The following PCDHGA5 variants were observed in gnomAD, a reference collection of about 807,000 sequenced individuals.
PCDHGA5 encodes protocadherin gamma-A5.
A neutral mutation model predicts 56.7 loss-of-function variants in PCDHGA5; 36 were observed. The observed-to-expected ratio is 0.64, with a 90% confidence interval of 0.49 to 0.84. The LOEUF is 0.84. Among genes scored for constraint, PCDHGA5 ranks in the 40% least tolerant of loss-of-function variants. The pLI is 0.00. For synonymous variants in PCDHGA5, 563 were observed against 520.2 expected (o/e 1.08, Z -1.12); for missense variants, 1,305 against 1,201.5 (o/e 1.09, Z -1.27).
chr5:141,461,648 A>G (rs910827619), intron 1 of PCDHGA5, among the ~76,000 whole-genome samples: 2 of 152,070 alleles, frequency 1.3e-5, no homozygotes, highest in South Asian at 2.1e-4. Context: ...TCTTTGACCC[A>G]TGGATTATTT....
intron 1 of PCDHGA5, among the ~76,000 whole-genome samples, chr5:141,482,843 G>A (rs1005014887): frequency 7.1e-6 from 1 of 140,154 alleles, no homozygotes; most frequent in Non-Finnish European, 1.5e-5. Flanking sequence ...AGGCCAAGGT[G>A]GGCAGATCAC....
Position 141,431,560 on chromosome 5 carries a change from C to G in PCDHGA5, c.2422-63247C>G, listed in dbSNP as rs751276470. The G allele has an allele frequency of 6.2e-7, 1 of 1,613,986 alleles. No individual in the cohort carries two copies. The highest frequency in any genetic ancestry group is 1.7e-5 in the Admixed American group (1 of 60,016). On this transcript the variant is annotated intron_variant, in intron 1 of 3. Transcript: ENST00000518069. This position sits in a 1 kb window ranked among gnomAD's most constrained non-coding sequence, Gnocchi z 4.8. Reference sequence around the variant, plus strand: ...CGCAGCTGCTTGTAGTCAACGCTACCGACCCTGACGAAGGAGTCAATGCGG... The same window carrying G: ...CGCAGCTGCTTGTAGTCAACGCTACGGACCCTGACGAAGGAGTCAATGCGG...
At chr5:141,443,059 A>G (rs148799842) in intron 1 of PCDHGA5, among the ~76,000 whole-genome samples, 145 of 152,348 alleles carry the variant, frequency 9.5e-4, no homozygotes, top group African/African-American at 3.3e-3. Context: ...GTTCCACTGA[A>G]GAGCGTCTTA....
intron 1 of PCDHGA5, among the ~76,000 whole-genome samples, chr5:141,459,494 G>C (rs1454297107): frequency 2.0e-5 from 3 of 152,200 alleles, no homozygotes; most frequent in African/African-American, 7.2e-5. Context: ...CTGAATTAAA[G>C]TGATGTGAAC....
chr5:141,374,787 T>C, intron 1 of PCDHGA5: 1 of 1,613,904 alleles, frequency 6.2e-7, no homozygotes, highest in Non-Finnish European at 8.5e-7. Flanking sequence ...GTTCTAGATG[T>C]GAATGACAAC....
intron 1 of PCDHGA5, among the ~76,000 whole-genome samples, chr5:141,401,410 A>T (rs536817103): frequency 2.6e-5 from 4 of 152,354 alleles, no homozygotes; most frequent in African/African-American, 9.6e-5. Context: ...TGAGAGAGAA[A>T]GAGAGAGACT....
chr5:141,394,826 C>G, intron 1 of PCDHGA5: 1 of 1,613,882 alleles, frequency 6.2e-7, no homozygotes, highest in Non-Finnish European at 8.5e-7. Context: ...TCCCCGAAGT[C>G]CTGACCGAGT....
intron 1 of PCDHGA5, among the ~76,000 whole-genome samples, chr5:141,481,194 T>C (rs74538051): frequency 0.017 from 2,576 of 152,298 alleles, 78 homozygotes; most frequent in African/African-American, 0.059. Context: ...CCAGGCCCAA[T>C]TTTTTTAAAA....
At chr5:141,464,278 G>GAAAA (rs2099080310) in intron 1 of PCDHGA5, among the ~76,000 whole-genome samples, 1 of 121,594 alleles carries the variant, frequency 8.2e-6, no homozygotes. Context: ...AAAAAAAAAA[G>GAAAA]CAAAAAAAAA....
chr5:141,511,267 C>A lies in PCDHGA5; in HGVS notation c.*94C>A, dbSNP rs1223074819. The A allele has an allele frequency of 6.5e-7, 1 of 1,549,404 alleles. No individual in the cohort carries two copies. Among genetic ancestry groups the A allele is most frequent in the Non-Finnish European group, 8.7e-7 (1 of 1,146,836 alleles). Reference sequence around the variant, plus strand: ...CCAGGCCTCAGAGTTTCAGGGCTAACCCCCAGAATACTGGTAGGGGCCAAG... The same window carrying A: ...CCAGGCCTCAGAGTTTCAGGGCTAAACCCCAGAATACTGGTAGGGGCCAAG... On this transcript the variant is annotated 3_prime_UTR_variant, in exon 4 of 4. Coordinates refer to ENST00000518069, the MANE Select transcript of PCDHGA5 (RefSeq NM_018918.3).
intron 1 of PCDHGA5, among the ~76,000 whole-genome samples, chr5:141,472,346 C>G (rs1393301393): frequency 6.6e-6 from 1 of 151,722 alleles, no homozygotes; most frequent in Non-Finnish European, 1.5e-5. Flanking sequence ...TCGAGACCAT[C>G]CTGGCTAACA....
At chr5:141,414,064 C>T in intron 1 of PCDHGA5, 1 of 1,607,864 alleles carries the variant, frequency 6.2e-7, no homozygotes, top group Non-Finnish European at 8.5e-7. Context: ...GTTGAAGTTC[C>T]AACTAAACAA....
In PCDHGA5 at chr5:141,489,399, C is replaced by A. The variant is rs2099686689; in HGVS notation, c.2422-5408C>A. On this transcript the variant is annotated intron_variant, in intron 1 of 3. Coordinates refer to ENST00000518069, the MANE Select transcript of PCDHGA5 (RefSeq NM_018918.3). The surrounding 1 kb of genome is among the most constrained non-coding windows in gnomAD (Gnocchi z 4.5). ...TGGGGAATGTTGCTCAGGATCTGGGCTTAAAGATGACAGATCTGTTGAGCC... is the reference window on the plus strand; with the variant it reads ...TGGGGAATGTTGCTCAGGATCTGGGATTAAAGATGACAGATCTGTTGAGCC... 1 of 1,614,024 alleles carries A rather than the reference C, an allele frequency of 6.2e-7. No homozygotes were observed. Among genetic ancestry groups the A allele is most frequent in the African/African-American group, 1.3e-5 (1 of 74,910 alleles).
At chr5:141,395,542 T>TTGTG (rs55729045) in intron 1 of PCDHGA5, 55 of 172,626 alleles carry the variant, frequency 3.2e-4, no homozygotes, top group East Asian at 1.2e-3. Context: ...TTGCTATTGT[T>TTGTG]TGTGTGTGTG....
At chr5:141,428,466 A>G (rs1230267635) in intron 1 of PCDHGA5, 1 of 344,756 alleles carries the variant, frequency 2.9e-6, no homozygotes, top group Admixed American at 4.1e-5. Context: ...ACAATGAGGG[A>G]ACTTTGCTTT....
chr5:141,472,980 C>CAAAAAAAAAAAAAAAAAGAAAAAAAA (rs2099309731), intron 1 of PCDHGA5, among the ~76,000 whole-genome samples: 1 of 86,100 alleles, frequency 1.2e-5, no homozygotes, highest in African/African-American at 3.9e-5. Flanking sequence ...GAGTGAAACT[C>CAAAAAAAAAAAAAAAAAGAAAAAAAA]AAAAAAAAAA....
Position 141,491,529 on chromosome 5 carries a change from G to T in PCDHGA5, c.2422-3278G>T, listed in dbSNP as rs1157770121. ...GCACGCTCAAGTACATGGAGGTGAC[G>T]CTGCGGCCCACAGACTCGCAGAGCC... On this transcript the variant is annotated intron_variant, in intron 1 of 3. Transcript: ENST00000518069. This position sits in a 1 kb window ranked among gnomAD's most constrained non-coding sequence, Gnocchi z 6.9. The T allele has an allele frequency of 6.2e-7, 1 of 1,614,040 alleles. No individual in the cohort carries two copies. The highest frequency in any genetic ancestry group is 1.1e-5 in the South Asian group (1 of 91,080).
chr5:141,387,687 G>A, intron 1 of PCDHGA5: 1 of 808,412 alleles, frequency 1.2e-6, no homozygotes, highest in Non-Finnish European at 1.9e-6. Context: ...CGCAGCCGCA[G>A]CGCGCTTTCC....
At position 141,493,223 on chromosome 5, in the gene PCDHGA5, A is replaced by G. The variant is rs2099747083; in HGVS notation, c.2422-1584A>G. Among the ~76,000 whole-genome samples, 1 of 152,142 alleles carries G rather than the reference A, an allele frequency of 6.6e-6. No homozygotes were observed. The highest frequency in any genetic ancestry group is 6.6e-5 in the Admixed American group (1 of 15,262). On this transcript the variant is annotated intron_variant, in intron 1 of 3. Transcript: ENST00000518069. The surrounding 1 kb of genome is among the most constrained non-coding windows in gnomAD (Gnocchi z 4.3). ...CCTCATCTCATTTGCTCTTCCCACC[A>G]TTGCTGTTGGCTAGGTACTAACATG...
Sources: allele counts gnomAD v4.1 joint callset (sites outside exome capture counted in the v4.1 genomes callset), GRCh38; gene constraint gnomAD v4.1.1; non-coding constraint Gnocchi (gnomAD v3.1); transcripts MANE v1.5; gene names NCBI Gene and HGNC (gene_info 2026-07-23, HGNC 2026-07-21).